Variants in TENM3 observed in about 807,000 individuals in gnomAD.
TENM3 encodes the protein teneurin transmembrane protein 3, also known as teneurin-3.
TENM3 carries 63 observed loss-of-function variants against 255.1 expected under a neutral mutation model. That is an observed-to-expected ratio of 0.25 (90% CI 0.20 to 0.30). The LOEUF (loss-of-function observed/expected upper bound fraction) is 0.30, where lower values mean the gene tolerates loss of function less well. TENM3 is among the 10% of genes least tolerant of loss of function. TENM3 has a pLI of 1.00. For synonymous variants in TENM3, 1,306 were observed against 1,322.3 expected, an observed-to-expected ratio of 0.99 and a Z score of 0.27; for missense variants, 2,929 against 3,461.1, an observed-to-expected ratio of 0.85 and a Z score of 3.86.
At chr4:181,927,004 T>C in the TENM3 span, among the ~76,000 whole-genome samples, 1 of 152,068 alleles carries the variant, frequency 6.6e-6, no homozygotes, top group East Asian at 1.9e-4. Context: ...TTTCCCATGG[T>C]CTTCGCAACC....
chr4:182,232,065 A>G (rs1171497333), intron 1 of TENM3, among the ~76,000 whole-genome samples: 1 of 152,192 alleles, frequency 6.6e-6, no homozygotes, highest in Non-Finnish European at 1.5e-5. Flanking sequence ...TCCCCATACT[A>G]CAGGCATCTC....
At chr4:181,468,830 A>G in the TENM3 span, among the ~76,000 whole-genome samples, 2 of 152,190 alleles carry the variant, frequency 1.3e-5, no homozygotes, top group Admixed American at 6.5e-5. Flanking sequence ...CGCTTTTCAC[A>G]TGGAATCCTC....
At chr4:182,397,952 T>C (rs1381419326) in intron 3 of TENM3, among the ~76,000 whole-genome samples, 2 of 152,220 alleles carry the variant, frequency 1.3e-5, no homozygotes, top group Non-Finnish European at 2.9e-5. Flanking sequence ...ATTAGGTTCT[T>C]ACATGTGGCC....
chr4:182,523,830 ATT>A (rs33958966), intron 3 of TENM3, among the ~76,000 whole-genome samples: 54,507 of 151,550 alleles, frequency 0.36, 10,076 homozygotes, highest in Admixed American at 0.41. Flanking sequence ...AATAATTATT[ATT>A]TCGGAGAGAC....
chr4:182,756,694 T>C (rs1419882903), intron 22 of TENM3, among the ~76,000 whole-genome samples: 1 of 152,212 alleles, frequency 6.6e-6, no homozygotes, highest in Non-Finnish European at 1.5e-5. Flanking sequence ...ATGTGTCTTA[T>C]ACATAAAGCT....
intron 1 of TENM3, among the ~76,000 whole-genome samples, chr4:182,210,119 T>G (rs1377287647): frequency 6.6e-6 from 1 of 152,150 alleles, no homozygotes; most frequent in Non-Finnish European, 1.5e-5. Context: ...CAACACTACA[T>G]GCCACACCCT....
the TENM3 span, chr4:182,012,911 T>C: frequency 2.0e-5 from 3 of 152,204 alleles, no homozygotes; most frequent in Admixed American, 1.3e-4. Context: ...TTGTAAATTT[T>C]CCTGTAGCAA....
At chr4:182,755,613 C>T (rs932349529) in intron 22 of TENM3, among the ~76,000 whole-genome samples, 8 of 151,882 alleles carry the variant, frequency 5.3e-5, no homozygotes, top group East Asian at 1.9e-4. Context: ...CCGAGGCGGG[C>T]GGATCACGAG....
At chr4:181,980,610 T>A in the TENM3 span, among the ~76,000 whole-genome samples, 1 of 152,180 alleles carries the variant, frequency 6.6e-6, no homozygotes, top group Admixed American at 6.5e-5. Flanking sequence ...TCTTTTCTAT[T>A]TTTAGTCTCA....
intron 6 of TENM3, among the ~76,000 whole-genome samples, chr4:182,663,114 C>T (rs2152533881): frequency 7.5e-6 from 1 of 132,606 alleles, no homozygotes; most frequent in African/African-American, 2.7e-5. Flanking sequence ...AGAAAAGACA[C>T]ATTCTAAGAC....
intron 12 of TENM3, among the ~76,000 whole-genome samples, chr4:182,711,273 T>C (rs1758729131): frequency 6.6e-6 from 1 of 152,224 alleles, no homozygotes; most frequent in Non-Finnish European, 1.5e-5. Context: ...TTTGTTCTGC[T>C]CAGCTATTAT....
chr4:182,059,745 C>CAA, the TENM3 span, among the ~76,000 whole-genome samples: 84 of 43,110 alleles, frequency 1.9e-3, no homozygotes, highest in South Asian at 0.014. Context: ...TCTGTCTCTA[C>CAA]AAAAAAAAAA....
chr4:182,284,372 G>GT (rs1426331522), intron 1 of TENM3, among the ~76,000 whole-genome samples: 2 of 152,248 alleles, frequency 1.3e-5, no homozygotes, highest in Admixed American at 1.3e-4. Context: ...TATAATTTTG[G>GT]TTTTTTAAAA....
chr4:182,552,099 G>A (rs769322942), intron 3 of TENM3, among the ~76,000 whole-genome samples: 8 of 151,772 alleles, frequency 5.3e-5, no homozygotes, highest in Non-Finnish European at 1.0e-4. Context: ...TTGGGGCCTG[G>A]CAGCAACTTT....
intron 1 of TENM3, among the ~76,000 whole-genome samples, chr4:182,308,321 GTT>G (rs58934336): frequency 2.6e-4 from 38 of 147,060 alleles, no homozygotes; most frequent in African/African-American, 9.4e-4. Context: ...CACATATTTG[GTT>G]TTTTTTTTTA....
the TENM3 span, among the ~76,000 whole-genome samples, chr4:181,634,433 T>G: frequency 3.3e-5 from 5 of 151,746 alleles, no homozygotes; most frequent in Admixed American, 6.6e-5. Context: ...TTATAGCCAT[T>G]TATCATCAAG....
chr4:181,873,908 C>G, the TENM3 span, among the ~76,000 whole-genome samples: 2 of 152,142 alleles, frequency 1.3e-5, no homozygotes, highest in South Asian at 4.1e-4. Context: ...CCTCAGCTTC[C>G]AGAGTAGCTG....
chr4:182,450,683 C>CTTT (rs1773383022), intron 3 of TENM3, among the ~76,000 whole-genome samples: 1 of 152,112 alleles, frequency 6.6e-6, no homozygotes, highest in Non-Finnish European at 1.5e-5. Context: ...TCTTCAGAGA[C>CTTT]TAAGTGTTAA....
chr4:182,709,231 C>T (rs1375555668), intron 12 of TENM3, among the ~76,000 whole-genome samples: 1 of 152,120 alleles, frequency 6.6e-6, no homozygotes, highest in African/African-American at 2.4e-5. Context: ...GATCCTCCTG[C>T]CTCAGCCTCC....
Sources: allele counts gnomAD v4.1 joint callset (sites outside exome capture counted in the v4.1 genomes callset), GRCh38; gene constraint gnomAD v4.1.1; transcripts MANE v1.5; gene names NCBI Gene and HGNC (gene_info 2026-07-23, HGNC 2026-07-21).